The following PAK3 variants were observed in gnomAD, a reference collection of about 807,000 sequenced individuals.
PAK3 encodes p21 (RAC1) activated kinase 3.
A neutral mutation model predicts 41.0 loss-of-function variants in PAK3; 4 were observed. The observed-to-expected ratio is 0.10, with a 90% CI of 0.05 to 0.22. The LOEUF (loss-of-function observed/expected upper bound fraction) is 0.22, where lower values mean the gene tolerates loss of function less well. Ranked by LOEUF, PAK3 falls within the 10% of genes least tolerant of loss-of-function variation. The pLI is 1.00. For missense variants in PAK3, 205 were observed against 409.9 expected, an observed-to-expected ratio of 0.50 and a Z score of 4.32; for synonymous variants, 146 against 139.6, an observed-to-expected ratio of 1.05 and a Z score of -0.32.
chrX:111,019,984 C>T (rs1388329357), intron 1 of PAK3, among the ~76,000 whole-genome samples: 1 of 111,517 alleles, frequency 9.0e-6, no homozygotes, highest in African/African-American at 3.3e-5. Flanking sequence ...TAAAATGGTA[C>T]AGCTGCTATG....
intron 1 of PAK3, among the ~76,000 whole-genome samples, chrX:111,087,763 A>C (rs1443159499): frequency 3.8e-4 from 3 of 7,807 alleles, no homozygotes; most frequent in Middle Eastern, 0.062. Context: ...AAAAAAAAAA[A>C]AACAAAAAAA....
chrX:111,147,986 T>C lies in PAK3; in HGVS notation c.430+96T>C, dbSNP rs190964538. The C allele has an allele frequency of 7.1e-6, 5 of 703,752 alleles. No individual in the cohort carries two copies. The East Asian group carries it at 1.3e-4, about 19-fold the overall frequency. 58.0% of individuals were successfully genotyped at this position (703,752 alleles called of 1,213,427 possible). ...ATGTCTGTGGGACATTTGAAATCGA[T>C]TCTAGTACCTTCTTCAAATGACATC... On this transcript the variant is annotated intron_variant, in intron 7 of 17. Transcript: ENST00000372007.
At chrX:111,036,751 C>G (rs980307044) in intron 1 of PAK3, among the ~76,000 whole-genome samples, 9 of 111,395 alleles carry the variant, frequency 8.1e-5, no homozygotes, top group Middle Eastern at 4.6e-3. Flanking sequence ...GACTCCTTGC[C>G]ATCATTTAGT....
chrX:111,170,962 G>A (rs1211905791), intron 10 of PAK3, among the ~76,000 whole-genome samples: 1 of 110,991 alleles, frequency 9.0e-6, no homozygotes, highest in Non-Finnish European at 1.9e-5. Context: ...AGCTTTTAAG[G>A]AATTATGAAC....
intron 16 of PAK3, among the ~76,000 whole-genome samples, chrX:111,214,675 G>T (rs2094858097): frequency 1.8e-5 from 2 of 111,172 alleles, no homozygotes; most frequent in Non-Finnish European, 3.8e-5. Context: ...CTATAAAGTT[G>T]ACAGCCACTA....
rs758008070 is a variant in PAK3, at chrX:111,126,560, T to C, written c.175+3282T>C. On this transcript the variant is annotated intron_variant, in intron 5 of 17. Coordinates refer to ENST00000372007, the MANE Select transcript of PAK3 (RefSeq NM_002578.5). Reference sequence around the variant, plus strand: ...TCATGTTCAGTTCTGCCACTGATTATTGTGACATTGGGCCAGTCACTTGAT... The same window carrying C: ...TCATGTTCAGTTCTGCCACTGATTACTGTGACATTGGGCCAGTCACTTGAT... Among the ~76,000 whole-genome samples, 4 of 111,615 alleles carry C rather than the reference T, an allele frequency of 3.6e-5. No individual in the cohort carries two copies. In the East Asian group the frequency reaches 1.1e-3, roughly 32 times the overall value.
At chrX:111,095,331 G>A (rs763213266), upstream of PAK3, among the ~76,000 whole-genome samples, 1 of 112,116 alleles carries the variant, frequency 8.9e-6, no homozygotes, top group East Asian at 2.8e-4. Flanking sequence ...TGTCCTTATT[G>A]TTTTGTATTA....
At chrX:111,005,495 A>G (rs1459851488) in intron 1 of PAK3, among the ~76,000 whole-genome samples, 2 of 111,745 alleles carry the variant, frequency 1.8e-5, no homozygotes, top group East Asian at 5.7e-4. Flanking sequence ...ATCGCTACCC[A>G]TCTGTACATT....
chrX:110,967,851 A>G (rs2091113830), intron 1 of PAK3, among the ~76,000 whole-genome samples: 1 of 111,944 alleles, frequency 8.9e-6, no homozygotes, highest in African/African-American at 3.3e-5. Flanking sequence ...TGACATTGGC[A>G]CAATGTGTGT....
chrX:111,048,561 C>T (rs766657931), intron 1 of PAK3, among the ~76,000 whole-genome samples: 1 of 110,574 alleles, frequency 9.0e-6, no homozygotes, highest in South Asian at 3.7e-4. Flanking sequence ...CTACTGCAGG[C>T]TTCCCCTTAT....
chrX:110,951,522 A>AACTACAGTGTAT (rs1482660896), intron 1 of PAK3, among the ~76,000 whole-genome samples: 13 of 112,079 alleles, frequency 1.2e-4, no homozygotes, highest in African/African-American at 3.9e-4. Context: ...GTTACACTCC[A>AACTACAGTGTAT]ACTACAGTGT....
intron 1 of PAK3, among the ~76,000 whole-genome samples, chrX:111,045,963 T>A (rs183414136): frequency 1.8e-5 from 2 of 111,693 alleles, no homozygotes; most frequent in East Asian, 5.7e-4. Context: ...CCCCACTAAT[T>A]CCAGGTAACC....
chrX:110,945,543 G>C (rs1329207371), intron 1 of PAK3, among the ~76,000 whole-genome samples: 2 of 111,755 alleles, frequency 1.8e-5, no homozygotes, highest in Non-Finnish European at 3.8e-5. Context: ...CAGCCAATGA[G>C]GATCCAAAGC....
chrX:111,138,507 C>T (rs368813502), intron 5 of PAK3, among the ~76,000 whole-genome samples: 4 of 111,192 alleles, frequency 3.6e-5, no homozygotes, highest in Non-Finnish European at 1.9e-5. Flanking sequence ...ACTTTGTCTG[C>T]AGAGGGGAGA....
In PAK3 at chrX:111,097,652, G is replaced by A. The variant is rs1185476765; in HGVS notation, c.-208G>A. On this transcript the variant is annotated 5_prime_UTR_variant, in exon 3 of 18. The change creates a new upstream start codon in the 5' untranslated region. Coordinates refer to ENST00000372007, the MANE Select transcript of PAK3 (RefSeq NM_002578.5). ...GTCCATTCCTGTTGGTGACAACACCGTGGCCCTGTTCTGGGATGAGCAAGG... is the reference window on the plus strand; with the variant it reads ...GTCCATTCCTGTTGGTGACAACACCATGGCCCTGTTCTGGGATGAGCAAGG... 9.0e-6 allele frequency: 1 copy of A among 111,207 alleles called. No homozygotes were observed. Among genetic ancestry groups the A allele is most frequent in the African/African-American group, 3.3e-5 (1 of 30,490 alleles). The allele number at this position is 111,207 out of a possible 1,213,427, so 9.2% of individuals were successfully genotyped here.
intron 1 of PAK3, among the ~76,000 whole-genome samples, chrX:111,046,973 C>T (rs1367246095): frequency 9.0e-6 from 1 of 111,545 alleles, no homozygotes; most frequent in Non-Finnish European, 1.9e-5. Context: ...GGCCATAGCA[C>T]TTGGCTATAT....
chrX:111,149,904 A>C (rs930265073), intron 7 of PAK3, among the ~76,000 whole-genome samples: 3 of 112,284 alleles, frequency 2.7e-5, no homozygotes, highest in African/African-American at 9.7e-5. Flanking sequence ...AATTTCTCCC[A>C]AGAAAATGAG....
chrX:111,065,037 A>T (rs1274344042), intron 1 of PAK3, among the ~76,000 whole-genome samples: 1 of 112,018 alleles, frequency 8.9e-6, no homozygotes, highest in East Asian at 2.8e-4. Context: ...TTCTATTTGG[A>T]TGCCTTTTAT....
chrX:111,073,226 G>A (rs893084134), intron 1 of PAK3, among the ~76,000 whole-genome samples: 4 of 111,456 alleles, frequency 3.6e-5, no homozygotes, highest in Middle Eastern at 4.7e-3. Flanking sequence ...ATGCAGCAAC[G>A]TTCCCTATTA....
Sources: gnomAD v4.1 joint callset for allele counts (sites outside exome capture counted in the v4.1 genomes callset) on GRCh38, gnomAD v4.1.1 for gene constraint, MANE v1.5 for transcripts, NCBI Gene and HGNC (gene_info 2026-07-23, HGNC 2026-07-21) for gene names.